The following TCF12 variants were observed in gnomAD, a reference collection of about 807,000 sequenced individuals.
TCF12 encodes DNA-binding protein HTF4.
A neutral mutation model predicts 86.0 loss-of-function variants in TCF12; 45 were observed. The ratio of observed to expected loss-of-function variants is 0.52; its 90% CI spans 0.41 to 0.67. The LOEUF is 0.67. TCF12 is among the 30% of genes least tolerant of loss of function. The probability of loss-of-function intolerance (pLI) is 0.00; values close to 1 mark genes in which losing one functional copy is unlikely to be tolerated. For missense variants in TCF12, 881 were observed against 859.9 expected (o/e 1.02, Z -0.31); for synonymous variants, 330 against 299.6 (o/e 1.10, Z -1.05).
At chr15:56,950,690 G>A (rs1229822951) in intron 3 of TCF12, among the ~76,000 whole-genome samples, 5 of 146,336 alleles carry the variant, frequency 3.4e-5, no homozygotes, top group Non-Finnish European at 6.0e-5. Context: ...CCTGTTAATG[G>A]ACATTTGGGT....
At chr15:57,191,452 A>G (rs1333413746) in intron 6 of TCF12, among the ~76,000 whole-genome samples, 1 of 152,174 alleles carries the variant, frequency 6.6e-6, no homozygotes, top group Non-Finnish European at 1.5e-5. Flanking sequence ...GACAGAGCAT[A>G]ATCCATCTCT....
intron 5 of TCF12, among the ~76,000 whole-genome samples, chr15:57,132,979 T>A (rs566028690): frequency 2.0e-5 from 3 of 152,238 alleles, no homozygotes; most frequent in Non-Finnish European, 4.4e-5. Flanking sequence ...CCAGTGACTC[T>A]ACATTTAAAT....
intron 5 of TCF12, among the ~76,000 whole-genome samples, chr15:57,145,814 A>G (rs771173435): frequency 6.6e-6 from 1 of 151,998 alleles, no homozygotes; most frequent in African/African-American, 2.4e-5. Flanking sequence ...TCCTTATGCT[A>G]CTCTGCTCCT....
intron 19 of TCF12, among the ~76,000 whole-genome samples, chr15:57,274,367 C>A (rs1236086324): frequency 6.6e-6 from 1 of 152,210 alleles, no homozygotes; most frequent in African/African-American, 2.4e-5. Context: ...AGGGATAGAT[C>A]ATTTTGTGTA....
intron 5 of TCF12, among the ~76,000 whole-genome samples, chr15:57,164,539 C>T (rs2054727466): frequency 6.6e-6 from 1 of 152,094 alleles, no homozygotes; most frequent in South Asian, 2.1e-4. Flanking sequence ...ATGGGGGTAA[C>T]CGCCTCCATG....
chr15:57,194,782 C>T (rs1466634887), intron 7 of TCF12, among the ~76,000 whole-genome samples: 1 of 152,140 alleles, frequency 6.6e-6, no homozygotes. Context: ...GGATGTGTTA[C>T]CCCCTTTTTA....
intron 3 of TCF12, among the ~76,000 whole-genome samples, chr15:56,945,215 T>C (rs956757996): frequency 2.4e-4 from 36 of 152,208 alleles, no homozygotes; most frequent in African/African-American, 8.2e-4. Context: ...TATTGTTTTA[T>C]TGTGTTTAAG....
intron 3 of TCF12, among the ~76,000 whole-genome samples, chr15:57,044,545 G>T (rs191199661): frequency 6.6e-6 from 1 of 152,266 alleles, no homozygotes. Flanking sequence ...CTCAGAGAGA[G>T]TTCCAGATTT....
At chr15:57,194,412 A>C (rs2057144120) in intron 7 of TCF12, among the ~76,000 whole-genome samples, 1 of 152,154 alleles carries the variant, frequency 6.6e-6, no homozygotes, top group South Asian at 2.1e-4. Context: ...CTTGGTGCCC[A>C]GGGAGGTCCA....
chr15:57,247,886 T>C, intron 13 of TCF12: 9 of 762,352 alleles, frequency 1.2e-5, no homozygotes, highest in Non-Finnish European at 1.9e-5. Flanking sequence ...TTTCTCAAAA[T>C]GTCTCTTAAA....
At chr15:57,134,596 G>A (rs574951981) in intron 5 of TCF12, 11 of 152,118 alleles carry the variant, frequency 7.2e-5, no homozygotes, top group Admixed American at 2.6e-4. Context: ...TTTTAATGAA[G>A]CACCATTAGA....
chr15:57,029,191 A>G (rs1157813245), intron 3 of TCF12, among the ~76,000 whole-genome samples: 5 of 152,026 alleles, frequency 3.3e-5, no homozygotes, highest in East Asian at 3.9e-4. Flanking sequence ...CCACTACATA[A>G]TTGGTTGTTC....
intron 3 of TCF12, among the ~76,000 whole-genome samples, chr15:56,952,257 CTT>C (rs1364118202): frequency 1.3e-5 from 2 of 149,544 alleles, no homozygotes; most frequent in Non-Finnish European, 3.0e-5. Flanking sequence ...CCATTGATCT[CTT>C]GTTTTTATGT....
intron 3 of TCF12, among the ~76,000 whole-genome samples, chr15:57,010,345 C>G (rs540892153): frequency 3.9e-5 from 6 of 151,932 alleles, no homozygotes; most frequent in Non-Finnish European, 7.4e-5. Flanking sequence ...GCCAGGAGTT[C>G]AAGAGCAGCC....
chr15:57,170,373 G>C (rs79293213), intron 6 of TCF12, among the ~76,000 whole-genome samples: 6,051 of 151,308 alleles, frequency 0.04, 368 homozygotes, highest in Admixed American at 0.17. Flanking sequence ...AAGGTTTAGA[G>C]TCAAGAGACC....
chr15:57,239,892 C>G (rs2059542013), intron 12 of TCF12, among the ~76,000 whole-genome samples: 2 of 151,996 alleles, frequency 1.3e-5, no homozygotes, highest in African/African-American at 4.8e-5. Flanking sequence ...AGATCCTGTC[C>G]AGATAGAAAA....
Position 57,247,747 on chromosome 15 carries a change from G to T in TCF12, c.1115-3603G>T, listed in dbSNP as rs530442121. ...CTCTCTTTGGTTCCACTACACACCT[G>T]TCAGCCTTGTGTGGTCTAGCACACC... is the stretch of plus-strand genomic sequence containing the variant. On this transcript the variant is annotated intron_variant, in intron 13 of 20. Transcript: ENST00000333725. The T allele has an allele frequency of 5.2e-4, 380 of 734,908 alleles. No homozygotes were observed. The African/African-American group carries it at 6.0e-3, about 12-fold the overall frequency. 45.5% of individuals were successfully genotyped at this position (734,908 alleles called of 1,614,324 possible).
chr15:57,079,689 C>T lies in TCF12; in HGVS notation c.223-12100C>T, dbSNP rs189359610. Among the ~76,000 whole-genome samples, 458 of 152,114 alleles carry T rather than the reference C, an allele frequency of 3.0e-3. 5 individuals are homozygous for T. The highest frequency in any genetic ancestry group is 0.01 in the African/African-American group (430 of 41,480). On this transcript the variant is annotated intron_variant, in intron 4 of 20. Transcript: ENST00000333725. The stretch of plus-strand genomic sequence containing the variant: ...GTTGTTCCTCAGCCTTGTTCTCTAA[C>T]GTGGTTAGAGAAGGAAATGCCTTTA...
intron 3 of TCF12, among the ~76,000 whole-genome samples, chr15:57,062,437 G>A (rs1470301116): frequency 4.0e-5 from 6 of 151,776 alleles, no homozygotes; most frequent in African/African-American, 1.5e-4. Context: ...CTCATCTTTT[G>A]TATCAACTTT....
Sources: allele counts gnomAD v4.1 joint callset (sites outside exome capture counted in the v4.1 genomes callset), GRCh38; gene constraint gnomAD v4.1.1; transcripts MANE v1.5; gene names NCBI Gene and HGNC (gene_info 2026-07-23, HGNC 2026-07-21).